KCNMA1: variants seen among roughly 807,000 people sequenced by gnomAD.
The protein encoded by KCNMA1 is Calcium-activated potassium channel subunit alpha-1.
Under a neutral mutation model 140.0 loss-of-function variants are expected in KCNMA1, and 29 were observed. The observed-to-expected ratio is 0.21, with a 90% CI of 0.15 to 0.28. KCNMA1 has a LOEUF of 0.28. Ranked by LOEUF, KCNMA1 falls within the 10% of genes least tolerant of loss-of-function variation. KCNMA1 has a pLI of 1.00. For synonymous variants in KCNMA1, 612 were observed against 611.9 expected (o/e 1.00, Z 0.00); for missense variants, 880 against 1,602.2 (o/e 0.55, Z 7.70).
intron 5 of KCNMA1, among the ~76,000 whole-genome samples, chr10:77,145,065 C>T (rs1399832354): frequency 6.6e-6 from 1 of 152,164 alleles, no homozygotes; most frequent in Non-Finnish European, 1.5e-5. Flanking sequence ...TCGAATGCCC[C>T]ATCATCACTG....
intron 25 of KCNMA1, among the ~76,000 whole-genome samples, chr10:76,894,218 A>G (rs932560060): frequency 6.6e-6 from 1 of 152,152 alleles, no homozygotes; most frequent in Non-Finnish European, 1.5e-5. Context: ...AAGACCATTC[A>G]ATGGAGAAGT....
At chr10:76,948,955 CT>C (rs2065252912) in intron 22 of KCNMA1, 186 bp downstream of exon 22, 2 of 653,628 alleles carry the variant, frequency 3.1e-6, no homozygotes, top group Admixed American at 2.4e-5. Context: ...CTGCAAATTC[CT>C]TTTAATAAGG....
chr10:77,140,725 G>C, intron 5 of KCNMA1: 1 of 152,230 alleles, frequency 6.6e-6, no homozygotes. Flanking sequence ...CAAGAACCCC[G>C]GCATGCTCTG....
At chr10:76,918,638 G>A (rs2053969310) in intron 23 of KCNMA1, among the ~76,000 whole-genome samples, 1 of 152,102 alleles carries the variant, frequency 6.6e-6, no homozygotes, top group South Asian at 2.1e-4. Context: ...TACACTGCTG[G>A]CGGCAATGTA....
At position 77,634,138 on chromosome 10, in the gene KCNMA1, A is replaced by T; in HGVS notation, c.378+3127T>A. The T allele has an allele frequency of 7.1e-6, 7 of 985,122 alleles. No individual in the cohort carries two copies. The South Asian group carries it at 3.3e-4, about 46-fold the overall frequency. The allele number at this position is 985,122 out of a possible 1,614,324, so 61.0% of individuals were successfully genotyped here. ...CTTCTTCAAAGTCATGGCTTTATTC[A>T]GGCTACCAGAGCAGCTCCCTATTCA... On this transcript the variant is annotated intron_variant, in intron 1 of 27. Coordinates refer to ENST00000286628, the MANE Select transcript of KCNMA1 (RefSeq NM_001161352.2).
At chr10:77,022,092 A>G (rs2092928860) in intron 16 of KCNMA1, among the ~76,000 whole-genome samples, 1 of 152,160 alleles carries the variant, frequency 6.6e-6, no homozygotes, top group African/African-American at 2.4e-5. Context: ...AGAATTCGTT[A>G]TTGACCTTCT....
At chr10:77,191,818 C>A (rs571511404) in intron 3 of KCNMA1, among the ~76,000 whole-genome samples, 1 of 152,076 alleles carries the variant, frequency 6.6e-6, no homozygotes, top group Non-Finnish European at 1.5e-5. Context: ...CGATTATGAT[C>A]CCATGCCAGC....
chr10:77,034,260 AAAG>A (rs1257453308), intron 15 of KCNMA1, among the ~76,000 whole-genome samples: 2 of 151,724 alleles, frequency 1.3e-5, no homozygotes, highest in Non-Finnish European at 2.9e-5. Flanking sequence ...AAAAAAAAAA[AAAG>A]AGAGAGATCT....
At chr10:77,019,183 T>C (rs1371116472) in intron 16 of KCNMA1, 84 bp from the exon 17 acceptor site, 15 of 804,474 alleles carry the variant, frequency 1.9e-5, no homozygotes, top group Non-Finnish European at 3.2e-5. Flanking sequence ...CACCATACTG[T>C]TGTGTTTATA....
chr10:77,301,613 C>T (rs1306395778), intron 2 of KCNMA1, among the ~76,000 whole-genome samples: 1 of 151,924 alleles, frequency 6.6e-6, no homozygotes, highest in Non-Finnish European at 1.5e-5. Context: ...TCCATCAAAT[C>T]ATACACATGA....
At chr10:77,042,863 C>G (rs552592177) in intron 14 of KCNMA1, among the ~76,000 whole-genome samples, 16 of 152,278 alleles carry the variant, frequency 1.1e-4, no homozygotes, top group African/African-American at 3.9e-4. Context: ...ATTCATTCAG[C>G]AAATATTGAC....
intron 5 of KCNMA1, among the ~76,000 whole-genome samples, chr10:77,168,501 T>C (rs2098668055): frequency 6.6e-6 from 1 of 152,202 alleles, no homozygotes; most frequent in South Asian, 2.1e-4. Context: ...AGCATTACTG[T>C]ACTGAATACT....
chr10:77,206,873 T>C (rs1347290050), intron 3 of KCNMA1, among the ~76,000 whole-genome samples: 1 of 152,116 alleles, frequency 6.6e-6, no homozygotes, highest in Non-Finnish European at 1.5e-5. Context: ...TCAATACTAG[T>C]TTGCTAGTGT....
chr10:77,218,962 C>T (rs1023766154), intron 3 of KCNMA1, among the ~76,000 whole-genome samples: 4 of 152,138 alleles, frequency 2.6e-5, no homozygotes, highest in African/African-American at 7.2e-5. Context: ...GCTGGGATTA[C>T]AGGCATAAGC....
At chr10:77,565,783 C>G (rs956329077) in intron 1 of KCNMA1, among the ~76,000 whole-genome samples, 1 of 152,212 alleles carries the variant, frequency 6.6e-6, no homozygotes, top group Non-Finnish European at 1.5e-5. Flanking sequence ...CTAGCAGTTA[C>G]TGCCTCTAAC....
In KCNMA1 at chr10:77,637,628, G is replaced by GCCT; in HGVS notation, c.14_15insAGG (p.Gly10dup). On this transcript the variant is annotated inframe_insertion, in exon 1 of 28. Transcript: ENST00000286628. Reference sequence around the variant, plus strand: ...CGCCGCTGCTGCCGCCGCCGCCGCCGCCACCATTTGCCATAGCTAGCAACG... The same window carrying GCCT: ...CGCCGCTGCTGCCGCCGCCGCCGCCGCCTCCACCATTTGCCATAGCTAGCAACG... 6.6e-7 allele frequency: 1 copy of GCCT among 1,520,886 alleles called. No homozygotes were observed. The highest frequency in any genetic ancestry group is 8.8e-7 in the Non-Finnish European group (1 of 1,139,412). The allele number at this position is 1,520,886 out of a possible 1,614,324, so 94.2% of individuals were successfully genotyped here.
Position 76,949,199 on chromosome 10 carries a change from C to T in KCNMA1, c.2652G>A (p.Glu884=), listed in dbSNP as rs1381277060. 1 of 1,614,180 alleles carries T rather than the reference C, an allele frequency of 6.2e-7. No homozygotes were observed. Among genetic ancestry groups the T allele is most frequent in the South Asian group, 1.1e-5 (1 of 91,082 alleles). ...GCGTCTCCCATTCCCGCTTGAGGTA[C>T]TCAATAGAGCCCACAAACACAATGT... ...LKHIVFVGSI[E]YLKREWETLH... Residue 884 remains glutamate, a synonymous_variant, in exon 22 of 28, where the codon GAG becomes GAA. Coordinates refer to ENST00000286628, the MANE Select transcript of KCNMA1 (RefSeq NM_001161352.2).
intron 2 of KCNMA1, among the ~76,000 whole-genome samples, chr10:77,389,649 C>T (rs533128609): frequency 2.0e-5 from 3 of 152,260 alleles, no homozygotes; most frequent in African/African-American, 7.2e-5. Flanking sequence ...CAAAAGAGAG[C>T]TCCATGGCTG....
chr10:77,182,167 A>G (rs773574195), intron 5 of KCNMA1, among the ~76,000 whole-genome samples: 1 of 152,224 alleles, frequency 6.6e-6, no homozygotes, highest in Non-Finnish European at 1.5e-5. Flanking sequence ...TTCCTCTTCC[A>G]GGAACCTGGA....
Sources: allele counts gnomAD v4.1 joint callset (sites outside exome capture counted in the v4.1 genomes callset), GRCh38; gene constraint gnomAD v4.1.1; transcripts MANE v1.5; gene names NCBI Gene and HGNC (gene_info 2026-07-23, HGNC 2026-07-21).